Variants in CHM observed in about 807,000 individuals in gnomAD.
CHM encodes the protein rab proteins geranylgeranyltransferase component A 1.
CHM carries 10 observed loss-of-function variants against 49.0 expected under a neutral mutation model. The observed-to-expected ratio is 0.20, with a 90% confidence interval of 0.13 to 0.35. The LOEUF is 0.35. CHM is among the 10% of genes least tolerant of loss of function. The pLI, the probability that CHM is intolerant of heterozygous loss-of-function variation, is 1.00. For synonymous variants in CHM, 184 were observed against 167.5 expected, an observed-to-expected ratio of 1.10 and a Z score of -0.76; for missense variants, 455 against 478.4, an observed-to-expected ratio of 0.95 and a Z score of 0.46.
At chrX:85,952,381 C>T (rs748902606) in intron 8 of CHM, among the ~76,000 whole-genome samples, 2 of 110,767 alleles carry the variant, frequency 1.8e-5, no homozygotes, top group African/African-American at 6.6e-5. Context: ...AGCTCAGCCA[C>T]AATAAGATAG....
intron 1 of CHM, among the ~76,000 whole-genome samples, chrX:86,039,030 G>A (rs1418855454): frequency 8.9e-6 from 1 of 112,306 alleles, no homozygotes; most frequent in African/African-American, 3.2e-5. Flanking sequence ...ACTTAGCTGA[G>A]CCTCAGGCTT....
intron 12 of CHM, among the ~76,000 whole-genome samples, chrX:85,882,913 G>T (rs780050376): frequency 9.0e-6 from 1 of 110,630 alleles, no homozygotes; most frequent in African/African-American, 3.3e-5. Context: ...ATATCTACTT[G>T]GCCAAGTCAG....
chrX:85,920,317 C>T (rs1012382820), intron 8 of CHM, among the ~76,000 whole-genome samples: 10 of 110,415 alleles, frequency 9.1e-5, no homozygotes, highest in African/African-American at 2.3e-4. Context: ...AGGATGGTCT[C>T]GATCTCCTGT....
At chrX:86,013,544 C>G (rs1402009248) in intron 2 of CHM, among the ~76,000 whole-genome samples, 1 of 110,018 alleles carries the variant, frequency 9.1e-6, no homozygotes, top group Non-Finnish European at 1.9e-5. Flanking sequence ...ACCACCCTGG[C>G]CAAGATGTTT....
chrX:86,041,329 T>C (rs1330557301), intron 1 of CHM, among the ~76,000 whole-genome samples: 1 of 111,250 alleles, frequency 9.0e-6, no homozygotes, highest in African/African-American at 3.3e-5. Flanking sequence ...CTTTTCTAGG[T>C]ATTGGAAGCA....
At chrX:85,892,764 T>C (rs1317625183) in intron 12 of CHM, among the ~76,000 whole-genome samples, 1 of 111,596 alleles carries the variant, frequency 9.0e-6, no homozygotes, top group Non-Finnish European at 1.9e-5. Context: ...CTTCCCACTT[T>C]TCTGCCTGAC....
In CHM at chrX:85,936,700, C is replaced by T. The variant is rs746158880; in HGVS notation, c.1166+19453G>A. Among the ~76,000 whole-genome samples the T allele has an allele frequency of 1.9e-3, 210 of 112,102 alleles. 2 individuals carry two copies. Among genetic ancestry groups the T allele is most frequent in the Middle Eastern group, 4.6e-3 (1 of 219 alleles). Reference sequence around the variant, plus strand: ...ATAAATAGCTTTGCTACAATTTATACCAATCACATTAATTGGATTATTTTA... The same window carrying T: ...ATAAATAGCTTTGCTACAATTTATATCAATCACATTAATTGGATTATTTTA... On this transcript the variant is annotated intron_variant, in intron 8 of 14. Coordinates refer to ENST00000357749, the MANE Select transcript of CHM (RefSeq NM_000390.4).
intron 11 of CHM, among the ~76,000 whole-genome samples, chrX:85,900,304 T>C (rs1441331800): frequency 9.0e-6 from 1 of 111,505 alleles, no homozygotes; most frequent in Non-Finnish European, 1.9e-5. Flanking sequence ...ATATGTGAAA[T>C]ACAAAAAGCT....
intron 8 of CHM, among the ~76,000 whole-genome samples, chrX:85,917,363 T>A (rs926749086): frequency 1.8e-5 from 2 of 111,165 alleles, no homozygotes; most frequent in East Asian, 5.6e-4. Context: ...AATACCTGGG[T>A]GATGAAATAA....
At chrX:86,003,762 T>C (rs186445091) in intron 2 of CHM, among the ~76,000 whole-genome samples, 1 of 111,553 alleles carries the variant, frequency 9.0e-6, no homozygotes, top group Non-Finnish European at 1.9e-5. Context: ...TGGGGCTATG[T>C]GAAAAGACCA....
chrX:86,016,325 G>A (rs747836212), intron 2 of CHM, among the ~76,000 whole-genome samples: 1 of 111,585 alleles, frequency 9.0e-6, no homozygotes, highest in Non-Finnish European at 1.9e-5. Context: ...TAATCCCCAA[G>A]ACAATGGGGA....
At chrX:85,952,793 G>A (rs1929813960) in intron 8 of CHM, among the ~76,000 whole-genome samples, 1 of 113,231 alleles carries the variant, frequency 8.8e-6, no homozygotes, top group South Asian at 3.6e-4. Flanking sequence ...TAGGCTCTTA[G>A]AAAGCCTTTC....
rs1332086926 is a variant in CHM, at chrX:85,959,060, AT to A, written c.703-84del. The A allele has an allele frequency of 4.7e-6, 5 of 1,060,044 alleles. No homozygotes were observed. In the East Asian group the frequency reaches 1.4e-4, roughly 29 times the overall value. 87.4% of individuals were successfully genotyped at this position (1,060,044 alleles called of 1,213,427 possible). The stretch of plus-strand genomic sequence containing the variant: ...CAATAAAGATACATAATTTTGCTAT[AT>A]TTTTTATTATTTGTAGAAACAATCA... On this transcript the variant is annotated intron_variant, in intron 5 of 14. Coordinates refer to ENST00000357749, the MANE Select transcript of CHM (RefSeq NM_000390.4).
At chrX:85,868,488 C>T (rs935239917) in intron 14 of CHM, among the ~76,000 whole-genome samples, 2 of 111,573 alleles carry the variant, frequency 1.8e-5, no homozygotes, top group South Asian at 3.8e-4. Context: ...ACTTCCGTTC[C>T]CCTAATGGTC....
intron 1 of CHM, among the ~76,000 whole-genome samples, chrX:86,030,050 C>T (rs1460414073): frequency 8.9e-6 from 1 of 112,015 alleles, no homozygotes. Context: ...TAAAATTACT[C>T]GCCTCCATTT....
chrX:85,987,332 CAAG>C (rs1230638341), intron 2 of CHM, among the ~76,000 whole-genome samples: 1 of 111,663 alleles, frequency 9.0e-6, no homozygotes, highest in Non-Finnish European at 1.9e-5. Context: ...AGATTCTACA[CAAG>C]AAGATCATCC....
intron 8 of CHM, among the ~76,000 whole-genome samples, chrX:85,935,437 T>C (rs1427729167): frequency 1.8e-5 from 2 of 111,184 alleles, no homozygotes; most frequent in Non-Finnish European, 3.8e-5. Flanking sequence ...AAATGCACCA[T>C]TAGGCAATTT....
intron 12 of CHM, among the ~76,000 whole-genome samples, chrX:85,890,893 C>A (rs1488114742): frequency 9.0e-6 from 1 of 111,441 alleles, no homozygotes; most frequent in Admixed American, 9.5e-5. Context: ...TCCTGGAGAC[C>A]TGTTGAATGG....
chrX:85,923,900 A>C (rs1927941091), intron 8 of CHM, among the ~76,000 whole-genome samples: 1 of 110,862 alleles, frequency 9.0e-6, no homozygotes, highest in Admixed American at 9.7e-5. Flanking sequence ...GCAGAAAGAA[A>C]ATGAAATTTC....
Sources: gnomAD v4.1 joint callset for allele counts (sites outside exome capture counted in the v4.1 genomes callset) on GRCh38, gnomAD v4.1.1 for gene constraint, MANE v1.5 for transcripts, NCBI Gene and HGNC (gene_info 2026-07-23, HGNC 2026-07-21) for gene names.